Variants in NKAIN3 observed in about 807,000 individuals in gnomAD.
The protein encoded by NKAIN3 is sodium/potassium-transporting ATPase subunit beta-1-interacting protein 3.
A neutral mutation model predicts 30.2 loss-of-function variants in NKAIN3; 25 were observed. The ratio of observed to expected loss-of-function variants is 0.83; its 90% CI spans 0.60 to 1.16. NKAIN3 has a LOEUF of 1.16. NKAIN3 is among the 50% of genes most tolerant of loss of function. NKAIN3 has a pLI of 0.00. For synonymous variants in NKAIN3, 91 were observed against 89.6 expected, an observed-to-expected ratio of 1.02 and a Z score of -0.09; for missense variants, 225 against 254.1, an observed-to-expected ratio of 0.89 and a Z score of 0.78.
At chr8:62,273,874 G>A (rs1166447120) in intron 1 of NKAIN3, among the ~76,000 whole-genome samples, 1 of 152,116 alleles carries the variant, frequency 6.6e-6, no homozygotes, top group East Asian at 1.9e-4. Context: ...ACCCTAATGG[G>A]AAGGAAGGAG....
chr8:62,953,138 A>AAC (rs139161457), intron 5 of NKAIN3, among the ~76,000 whole-genome samples: 8,973 of 151,308 alleles, frequency 0.059, 856 homozygotes, highest in African/African-American at 0.2. Context: ...TTTACACACA[A>AAC]ACACACACAC....
chr8:62,303,226 G>C (rs1814113270), intron 1 of NKAIN3, among the ~76,000 whole-genome samples: 1 of 150,294 alleles, frequency 6.7e-6, no homozygotes, highest in Non-Finnish European at 1.5e-5. Context: ...TGTTGAATGA[G>C]CCCTAGATAA....
chr8:62,681,477 T>A (rs1206202821), intron 3 of NKAIN3, among the ~76,000 whole-genome samples: 1 of 152,182 alleles, frequency 6.6e-6, no homozygotes, highest in Non-Finnish European at 1.5e-5. Flanking sequence ...CAAATTTAAT[T>A]TCCTTATTTT....
chr8:62,533,320 C>A (rs369976683), intron 1 of NKAIN3, among the ~76,000 whole-genome samples: 2 of 152,142 alleles, frequency 1.3e-5, no homozygotes, highest in African/African-American at 4.8e-5. Context: ...ACAGTCGATA[C>A]CTTCTGGGGG....
chr8:62,582,303 G>C (rs1810329601), intron 2 of NKAIN3, among the ~76,000 whole-genome samples: 1 of 152,018 alleles, frequency 6.6e-6, no homozygotes, highest in Admixed American at 6.6e-5. Context: ...GACTATACTG[G>C]TGAGCAAAAA....
chr8:62,850,503 T>G (rs1819859153), intron 4 of NKAIN3, among the ~76,000 whole-genome samples: 1 of 152,176 alleles, frequency 6.6e-6, no homozygotes, highest in African/African-American at 2.4e-5. Context: ...CCATTGCTTT[T>G]GGTGTTTTAG....
intron 1 of NKAIN3, among the ~76,000 whole-genome samples, chr8:62,534,239 C>T (rs1024090725): frequency 1.3e-5 from 2 of 152,088 alleles, no homozygotes; most frequent in South Asian, 4.2e-4. Flanking sequence ...AGTTAAACAG[C>T]GACCACACGT....
intron 4 of NKAIN3, among the ~76,000 whole-genome samples, chr8:62,792,213 AACAGT>A (rs1817719156): frequency 6.6e-6 from 1 of 152,090 alleles, no homozygotes; most frequent in African/African-American, 2.4e-5. Context: ...TTAAGCTTGG[AACAGT>A]ACCTGAATAG....
downstream of NKAIN3, among the ~76,000 whole-genome samples, chr8:62,987,108 T>C (rs920081350): frequency 1.3e-5 from 2 of 152,196 alleles, no homozygotes; most frequent in Admixed American, 6.5e-5. Flanking sequence ...AATTATTGGC[T>C]GCGTGTGGTA....
chr8:62,769,862 T>A (rs536663638), intron 4 of NKAIN3, among the ~76,000 whole-genome samples: 7 of 152,208 alleles, frequency 4.6e-5, no homozygotes, highest in Non-Finnish European at 8.8e-5. Context: ...ATGACTTTTT[T>A]ATCTTCTATC....
At chr8:62,314,517 A>G (rs1363540024) in intron 1 of NKAIN3, among the ~76,000 whole-genome samples, 1 of 152,270 alleles carries the variant, frequency 6.6e-6, no homozygotes, top group Non-Finnish European at 1.5e-5. Flanking sequence ...GCTTGATTCT[A>G]TTGACAGGAA....
chr8:62,324,888 T>C (rs1463252296), intron 1 of NKAIN3, among the ~76,000 whole-genome samples: 1 of 151,734 alleles, frequency 6.6e-6, no homozygotes, highest in East Asian at 1.9e-4. Context: ...ATCTTGAACA[T>C]TTGTGTTTTT....
chr8:62,777,511 C>T (rs1356156304), intron 4 of NKAIN3, among the ~76,000 whole-genome samples: 1 of 152,128 alleles, frequency 6.6e-6, no homozygotes, highest in Non-Finnish European at 1.5e-5. Flanking sequence ...ATATGCCAGA[C>T]ATTTTCAACT....
intron 3 of NKAIN3, among the ~76,000 whole-genome samples, chr8:62,632,317 T>G (rs1313646700): frequency 6.6e-6 from 1 of 152,128 alleles, no homozygotes; most frequent in East Asian, 1.9e-4. Flanking sequence ...TATTAACCCT[T>G]TAGAGAACAC....
intron 1 of NKAIN3, among the ~76,000 whole-genome samples, chr8:62,500,467 AAGAAAG>A (rs1554540121): frequency 7.0e-6 from 1 of 142,242 alleles, no homozygotes; most frequent in African/African-American, 2.6e-5. Flanking sequence ...GAAAGAAAGA[AAGAAAG>A]AAAGAAAGAA....
chr8:62,622,916 A>C (rs149738669), intron 3 of NKAIN3, among the ~76,000 whole-genome samples: 334 of 152,074 alleles, frequency 2.2e-3, no homozygotes, highest in African/African-American at 7.4e-3. Flanking sequence ...ATTTAAGTCC[A>C]TGATCCATTT....
At chr8:62,544,717 A>T (rs1013501619) in intron 1 of NKAIN3, among the ~76,000 whole-genome samples, 1 of 111,806 alleles carries the variant, frequency 8.9e-6, no homozygotes, top group African/African-American at 2.8e-5. Context: ...ATTTGTATAA[A>T]GTACAAACAA....
chr8:62,353,598 A>C (rs1011876554), intron 1 of NKAIN3, among the ~76,000 whole-genome samples: 3 of 152,204 alleles, frequency 2.0e-5, no homozygotes, highest in African/African-American at 7.2e-5. Flanking sequence ...CGCCTATTTC[A>C]CTGGGCATTT....
intron 1 of NKAIN3, among the ~76,000 whole-genome samples, chr8:62,473,062 A>G (rs551709975): frequency 1.8e-4 from 28 of 152,332 alleles, no homozygotes; most frequent in Middle Eastern, 3.4e-3. Context: ...GGCATTCTCT[A>G]TCTACTGCTA....
Sources: gnomAD v4.1 joint callset for allele counts (sites outside exome capture counted in the v4.1 genomes callset) on GRCh38, gnomAD v4.1.1 for gene constraint, MANE v1.5 for transcripts, NCBI Gene and HGNC (gene_info 2026-07-23, HGNC 2026-07-21) for gene names.